GNA14: variants seen among roughly 807,000 people sequenced by gnomAD.
The protein encoded by GNA14 is guanine nucleotide-binding protein subunit alpha-14.
In GNA14, 50 loss-of-function variants were observed where a neutral mutation model predicts 42.0. The observed-to-expected ratio is 1.19, with a 90% CI of 0.95 to 1.51. GNA14 has a LOEUF of 1.51. Among genes scored for constraint, GNA14 ranks in the 40% most tolerant of loss-of-function variants. The pLI, the probability that GNA14 is intolerant of heterozygous loss-of-function variation, is 0.00. For missense variants in GNA14, 473 were observed against 446.2 expected (o/e 1.06, Z -0.54); for synonymous variants, 173 against 163.1 (o/e 1.06, Z -0.46).
intron 1 of GNA14, among the ~76,000 whole-genome samples, chr9:77,552,322 C>T (rs983406393): frequency 6.6e-6 from 1 of 151,800 alleles, no homozygotes; most frequent in African/African-American, 2.4e-5. Context: ...GAGAGATGAA[C>T]AAATCTGAGA....
intron 1 of GNA14, among the ~76,000 whole-genome samples, chr9:77,570,694 T>G (rs1823046385): frequency 6.6e-6 from 1 of 152,236 alleles, no homozygotes; most frequent in Admixed American, 6.5e-5. Context: ...AATGCTGCTA[T>G]GCACATTCAT....
intron 2 of GNA14, among the ~76,000 whole-genome samples, chr9:77,461,479 G>A (rs2131712371): frequency 6.6e-6 from 1 of 152,298 alleles, no homozygotes; most frequent in Non-Finnish European, 1.5e-5. Flanking sequence ...TGGGCAACTT[G>A]CCTGATGTCA....
intron 1 of GNA14, among the ~76,000 whole-genome samples, chr9:77,583,991 T>C (rs996909519): frequency 6.6e-6 from 1 of 152,166 alleles, no homozygotes; most frequent in African/African-American, 2.4e-5. Context: ...TCTAAAAATA[T>C]AAAATCTCAA....
intron 1 of GNA14, among the ~76,000 whole-genome samples, chr9:77,627,090 G>A (rs1256279031): frequency 6.6e-6 from 1 of 152,144 alleles, no homozygotes; most frequent in East Asian, 1.9e-4. Flanking sequence ...TACCATCAGA[G>A]AATACTATAA....
intron 1 of GNA14, among the ~76,000 whole-genome samples, chr9:77,530,256 G>A (rs1837508059): frequency 6.6e-6 from 1 of 152,162 alleles, no homozygotes; most frequent in Admixed American, 6.5e-5. Flanking sequence ...CTGTTCTCAT[G>A]AGAGTTCTTG....
intron 2 of GNA14, among the ~76,000 whole-genome samples, chr9:77,515,885 G>T (rs1004339974): frequency 2.0e-5 from 3 of 148,232 alleles, no homozygotes; most frequent in African/African-American, 7.5e-5. Flanking sequence ...GCTTAAGCCT[G>T]GGAGGTCGAG....
intron 1 of GNA14, among the ~76,000 whole-genome samples, chr9:77,645,669 C>T (rs1824340442): frequency 6.6e-6 from 1 of 152,120 alleles, no homozygotes; most frequent in East Asian, 1.9e-4. Context: ...AAACAATTTA[C>T]CTACAAACAT....
At chr9:77,478,898 T>A (rs1325272704) in intron 2 of GNA14, among the ~76,000 whole-genome samples, 1 of 152,208 alleles carries the variant, frequency 6.6e-6, no homozygotes, top group Non-Finnish European at 1.5e-5. Flanking sequence ...TGTAAATTTG[T>A]TGGAGTTCAT....
intron 2 of GNA14, among the ~76,000 whole-genome samples, chr9:77,450,617 A>C (rs1213571765): frequency 6.6e-6 from 1 of 151,784 alleles, no homozygotes; most frequent in Non-Finnish European, 1.5e-5. Flanking sequence ...GAGATCGAAC[A>C]AGCTCTGGTG....
intron 1 of GNA14, among the ~76,000 whole-genome samples, chr9:77,617,019 A>G (rs990308272): frequency 6.6e-5 from 10 of 151,792 alleles, no homozygotes; most frequent in Non-Finnish European, 1.3e-4. Flanking sequence ...ACAGGCACCC[A>G]CCACCACGAC....
At chr9:77,441,201 CAT>C (rs1835728369) in intron 2 of GNA14, among the ~76,000 whole-genome samples, 1 of 152,174 alleles carries the variant, frequency 6.6e-6, no homozygotes, top group African/African-American at 2.4e-5. Flanking sequence ...GTAATCCCCA[CAT>C]GTCAAGGGAG....
chr9:77,472,605 C>T (rs1026337540), intron 2 of GNA14, among the ~76,000 whole-genome samples: 1 of 152,054 alleles, frequency 6.6e-6, no homozygotes, highest in East Asian at 1.9e-4. Context: ...ATGTAAGAAT[C>T]AATTGTAGTT....
At chr9:77,571,312 G>A (rs1823055122) in intron 1 of GNA14, among the ~76,000 whole-genome samples, 1 of 152,158 alleles carries the variant, frequency 6.6e-6, no homozygotes, top group Non-Finnish European at 1.5e-5. Flanking sequence ...TACTGTGGAG[G>A]GGTTGGAGTT....
At chr9:77,594,011 T>G (rs1388362992) in intron 1 of GNA14, among the ~76,000 whole-genome samples, 2 of 152,214 alleles carry the variant, frequency 1.3e-5, no homozygotes, top group Non-Finnish European at 2.9e-5. Context: ...TTGCCTAATG[T>G]ATCAGAATCT....
rs12352584 is a variant in GNA14 at position 77,611,570 on chromosome 9, T to C, written c.124+36100A>G. On this transcript the variant is annotated intron_variant, in intron 1 of 6. Transcript: ENST00000341700. ...AGACACAAGAAACATGAGATGCCCATAAGGAATTACCTCCCAACAATAGCC... is the reference window on the plus strand; with the variant it reads ...AGACACAAGAAACATGAGATGCCCACAAGGAATTACCTCCCAACAATAGCC... 2.0e-3 allele frequency among the ~76,000 whole-genome samples: 303 copies of C among 152,228 alleles called. 2 individuals carry two copies. The highest frequency in any genetic ancestry group is 7.0e-3 in the African/African-American group (290 of 41,532).
chr9:77,431,536 C>G, intron 3 of GNA14, 87 bp from the exon 4 acceptor site: 1 of 1,199,266 alleles, frequency 8.3e-7, no homozygotes, highest in East Asian at 2.4e-5. Context: ...CCCCCACTCA[C>G]AGTGAGCCCC....
chr9:77,619,669 T>A (rs1203733662), intron 1 of GNA14, among the ~76,000 whole-genome samples: 1 of 152,156 alleles, frequency 6.6e-6, no homozygotes, highest in African/African-American at 2.4e-5. Flanking sequence ...CCACAACAAC[T>A]TGCAAGGATG....
intron 1 of GNA14, among the ~76,000 whole-genome samples, chr9:77,646,968 T>A (rs1824364461): frequency 1.3e-5 from 2 of 152,160 alleles, no homozygotes; most frequent in South Asian, 4.1e-4. Flanking sequence ...GTGGACACAC[T>A]GAGTCAAGCT....
chr9:77,501,494 A>G (rs1035522466), intron 2 of GNA14, among the ~76,000 whole-genome samples: 6 of 152,098 alleles, frequency 3.9e-5, no homozygotes, highest in Non-Finnish European at 8.8e-5. Flanking sequence ...TGCCATCTGT[A>G]TATCTTCTTC....
Sources: allele counts gnomAD v4.1 joint callset (sites outside exome capture counted in the v4.1 genomes callset), GRCh38; gene constraint gnomAD v4.1.1; transcripts MANE v1.5; gene names NCBI Gene and HGNC (gene_info 2026-07-23, HGNC 2026-07-21).